Variants in NCAPD3 observed in about 807,000 individuals in gnomAD.
NCAPD3 encodes the protein non-SMC condensin II complex subunit D3, also known as condensin-2 complex subunit D3.
Under a neutral mutation model 182.9 loss-of-function variants are expected in NCAPD3, and 105 were observed. The observed-to-expected ratio is 0.57, with a 90% confidence interval of 0.49 to 0.68. The LOEUF is 0.68. Among genes scored for constraint, NCAPD3 ranks in the 30% least tolerant of loss-of-function variants. The pLI is 0.00. For missense variants in NCAPD3, 1,944 were observed against 1,837.0 expected, an observed-to-expected ratio of 1.06 and a Z score of -1.07; for synonymous variants, 815 against 679.9, an observed-to-expected ratio of 1.20 and a Z score of -3.09.
At chr11:134,158,767 TTTC>T (rs1276791320) in intron 29 of NCAPD3, among the ~76,000 whole-genome samples, 1 of 152,212 alleles carries the variant, frequency 6.6e-6, no homozygotes, top group Admixed American at 6.5e-5. Flanking sequence ...CTAGAACTTA[TTTC>T]TTCTATCTAA....
chr11:134,158,125 A>G (rs1414492886), intron 30 of NCAPD3, 58 bp from the exon 31 acceptor site: 2 of 1,579,356 alleles, frequency 1.3e-6, no homozygotes, highest in South Asian at 1.1e-5. Context: ...CAGAGGTGAC[A>G]GTGCTGCACT....
At chr11:134,193,034 A>G in intron 15 of NCAPD3, 125 bp from the exon 16 acceptor site, 1 of 588,264 alleles carries the variant, frequency 1.7e-6, no homozygotes, top group South Asian at 2.4e-5. Flanking sequence ...GTGAAAAAAG[A>G]AAAAAATTCA....
At chr11:134,210,881 G>C (rs1324252807) in intron 3 of NCAPD3, among the ~76,000 whole-genome samples, 4 of 152,130 alleles carry the variant, frequency 2.6e-5, no homozygotes, top group East Asian at 1.9e-4. Context: ...AAATTATAAT[G>C]GTCTTACTAT....
In NCAPD3 at chr11:134,184,960, A is replaced by C. The variant is rs141965615; in HGVS notation, c.2278T>G (p.Cys760Gly). ...TGCTTTGCAATATGCCCAATCACACAGAGAATATGTCCTAAGGTGTTTGAA... is the reference window on the plus strand; with the variant it reads ...TGCTTTGCAATATGCCCAATCACACCGAGAATATGTCCTAAGGTGTTTGAA... ...PNSNTLGHIL[C>G]VIGHIAKHLP... Residue 760 changes from cysteine (C) to glycine (G), a missense_variant, in exon 18 of 35, where the codon TGT becomes GGT. Cys to Gly is a radical substitution (Grantham distance 159). Coordinates refer to ENST00000534548, the MANE Select transcript of NCAPD3 (RefSeq NM_015261.3). 3.7e-4 allele frequency: 604 copies of C among 1,613,974 alleles called. 2 individuals carry two copies. The highest frequency in any genetic ancestry group is 1.3e-3 in the Middle Eastern group (8 of 6,062).
intron 22 of NCAPD3, 117 bp from the exon 23 acceptor site, chr11:134,177,574 G>A (rs947019185): frequency 2.3e-6 from 2 of 862,502 alleles, no homozygotes; most frequent in Non-Finnish European, 3.6e-6. Context: ...AAAACATCAT[G>A]CCCACAATCA....
At chr11:134,221,535 C>T (rs771508403) in intron 1 of NCAPD3, among the ~76,000 whole-genome samples, 2 of 152,234 alleles carry the variant, frequency 1.3e-5, no homozygotes, top group Middle Eastern at 3.4e-3. Context: ...TCCCTCCATC[C>T]CCCCTTCCCA....
At chr11:134,172,617 T>G (rs1212431439) in intron 24 of NCAPD3, among the ~76,000 whole-genome samples, 2 of 152,192 alleles carry the variant, frequency 1.3e-5, no homozygotes, top group Admixed American at 6.5e-5. Context: ...AGTGCCCAGT[T>G]AAACTACAAT....
intron 7 of NCAPD3, among the ~76,000 whole-genome samples, chr11:134,207,908 A>G (rs1260283232): frequency 6.6e-6 from 1 of 152,230 alleles, no homozygotes; most frequent in Non-Finnish European, 1.5e-5. Context: ...AGAAGTGATA[A>G]AGATACTAAA....
At chr11:134,207,606 G>T (rs866110877) in intron 7 of NCAPD3, among the ~76,000 whole-genome samples, 1 of 152,028 alleles carries the variant, frequency 6.6e-6, no homozygotes, top group Non-Finnish European at 1.5e-5. Context: ...AGCTGGGCAT[G>T]GTGGCGCGCA....
chr11:134,188,405 C>T (rs1322710281), intron 16 of NCAPD3, among the ~76,000 whole-genome samples: 3 of 152,188 alleles, frequency 2.0e-5, no homozygotes, highest in African/African-American at 4.8e-5. Context: ...GCTGGCCACC[C>T]GAGCCAGCAG....
At chr11:134,157,158 C>T in intron 31 of NCAPD3, 63 bp from the exon 32 acceptor site, 1 of 1,330,004 alleles carries the variant, frequency 7.5e-7, no homozygotes, top group Non-Finnish European at 1.1e-6. Context: ...AGCAAAACAA[C>T]CACATGAGAA....
chr11:134,191,007 T>A (rs563684022), intron 16 of NCAPD3, among the ~76,000 whole-genome samples: 75 of 152,378 alleles, frequency 4.9e-4, no homozygotes, highest in African/African-American at 1.6e-3. Context: ...TTTCTCCTAG[T>A]TATTCCTCTA....
intron 24 of NCAPD3, among the ~76,000 whole-genome samples, chr11:134,170,014 G>A (rs1347335022): frequency 6.6e-6 from 1 of 152,226 alleles, no homozygotes; most frequent in Non-Finnish European, 1.5e-5. Context: ...CATTGGGACT[G>A]TGTAGGAGAC....
intron 19 of NCAPD3, 35 bp from the exon 20 acceptor site, chr11:134,181,219 CG>C: frequency 7.1e-7 from 1 of 1,399,228 alleles, no homozygotes; most frequent in Non-Finnish European, 1.0e-6. Context: ...TGAAGGGCCC[CG>C]CACATCTCCC....
At chr11:134,163,163 T>G (rs980477276) in intron 27 of NCAPD3, among the ~76,000 whole-genome samples, 4 of 152,190 alleles carry the variant, frequency 2.6e-5, no homozygotes, top group Non-Finnish European at 4.4e-5. Context: ...TCAGGGTTTA[T>G]TCAGAAGATG....
At chr11:134,194,479 G>A (rs1043515794) in intron 14 of NCAPD3, among the ~76,000 whole-genome samples, 186 bp downstream of exon 14, 2 of 152,246 alleles carry the variant, frequency 1.3e-5, no homozygotes, top group Admixed American at 1.3e-4. Flanking sequence ...AAACCCTGTA[G>A]GAAAGCTTAA....
At position 134,192,738 on chromosome 11, in the gene NCAPD3, G is replaced by A; in HGVS notation, c.1996C>T (p.Leu666Phe). 1 of 1,614,258 alleles carries A rather than the reference G, an allele frequency of 6.2e-7. No homozygotes were observed. Among genetic ancestry groups the A allele is most frequent in the Non-Finnish European group, 8.5e-7 (1 of 1,180,052 alleles). ...AGGAGAGTAAGAAGCGCCCAGGCGA[G>A]GACCTGGCTGTCGTCCCCAGAGTGA... ...HFHSGDDSQV[L>F]AWALLTLLTT... The change falls in exon 16 of 35, where the codon CTC (leucine) becomes TTC (phenylalanine). Residue 666 changes from leucine to phenylalanine, a missense_variant. By Grantham distance (22) the Leu-to-Phe change is conservative. This residue lies in a region of NCAPD3 where 1,803 missense variants were observed against 1,674.6 expected (regional missense o/e 1.08). Coordinates refer to ENST00000534548, the MANE Select transcript of NCAPD3 (RefSeq NM_015261.3).
At chr11:134,223,158 A>G in intron 1 of NCAPD3, 1 of 495,754 alleles carries the variant, frequency 2.0e-6, no homozygotes, top group Non-Finnish European at 3.6e-6. Flanking sequence ...TTAAAGGTGT[A>G]CAGGCTTGAC....
At chr11:134,166,686 G>C (rs575031956) in intron 27 of NCAPD3, among the ~76,000 whole-genome samples, 1 of 108,080 alleles carries the variant, frequency 9.3e-6, no homozygotes, top group African/African-American at 3.9e-5. Flanking sequence ...TTGGGGGAGG[G>C]GCACACTGAG....
Sources: gnomAD v4.1 joint callset for allele counts (sites outside exome capture counted in the v4.1 genomes callset) on GRCh38, gnomAD v4.1.1 for gene constraint, gnomAD v4.1.1 regional missense constraint, MANE v1.5 for transcripts, NCBI Gene and HGNC (gene_info 2026-07-23, HGNC 2026-07-21) for gene names.